The following NCEH1 variants were observed in gnomAD, a reference collection of about 807,000 sequenced individuals.
NCEH1 encodes the protein 2-acetyl MAGE hydrolase.
Under a neutral mutation model 25.4 loss-of-function variants are expected in NCEH1, and 9 were observed. That is an observed-to-expected ratio of 0.35 (90% CI 0.21 to 0.62). NCEH1 has a LOEUF of 0.62. NCEH1 is among the 20% of genes least tolerant of loss of function. The pLI is 0.72. For synonymous variants in NCEH1, 200 were observed against 199.8 expected (o/e 1.00, Z -0.01); for missense variants, 412 against 501.1 (o/e 0.82, Z 1.70).
At chr3:172,690,295 G>A (rs1315292096) in intron 1 of NCEH1, among the ~76,000 whole-genome samples, 3 of 152,164 alleles carry the variant, frequency 2.0e-5, no homozygotes. Flanking sequence ...AATAGTGCTG[G>A]TGCAAAGTGA....
At position 172,632,308 on chromosome 3, in the gene NCEH1, C is replaced by G. The variant is rs1406595158; in HGVS notation, c.*1167G>C. 6.6e-6 allele frequency: 1 copy of G among 152,114 alleles called. No individual in the cohort carries two copies. Among genetic ancestry groups the G allele is most frequent in the Admixed American group, 6.5e-5 (1 of 15,276 alleles). 9.4% of individuals were successfully genotyped at this position (152,114 alleles called of 1,614,324 possible). On this transcript the variant is annotated 3_prime_UTR_variant, in exon 5 of 5. Coordinates refer to ENST00000475381, the MANE Select transcript of NCEH1 (RefSeq NM_020792.6). ...TCCACAAAATTACACGTGGTTATAA[C>G]TGTAGGGAAGGTTTTAAAACCCTAA...
In NCEH1 at chr3:172,674,596, T is replaced by C. The variant is rs147673822; in HGVS notation, c.139-26482A>G. Among the ~76,000 whole-genome samples, 23 of 152,324 alleles carry C rather than the reference T, an allele frequency of 1.5e-4. No individual in the cohort carries two copies. The East Asian group carries it at 4.4e-3, about 29-fold the overall frequency. ...TTTTAACGCATTATTTACAGGGAAA[T>C]TTTAATTATACATGGGATTGCATTT... is the stretch of plus-strand genomic sequence containing the variant. On this transcript the variant is annotated intron_variant, in intron 1 of 4. Transcript: ENST00000475381.
chr3:172,680,198 G>T (rs980160102), intron 1 of NCEH1, among the ~76,000 whole-genome samples: 4 of 152,156 alleles, frequency 2.6e-5, no homozygotes, highest in African/African-American at 9.7e-5. Context: ...CTCTCATTAG[G>T]CAGTGTTCAA....
chr3:172,653,744 G>GTTTTTTTTTTTTTTTTTTTTT (rs796835886), intron 1 of NCEH1, among the ~76,000 whole-genome samples: 4 of 95,656 alleles, frequency 4.2e-5, no homozygotes, highest in African/African-American at 1.3e-4. Flanking sequence ...TGTTTTTTTT[G>GTTTTTTTTTTTTTTTTTTTTT]TTTTTTTGTT....
intron 1 of NCEH1, among the ~76,000 whole-genome samples, chr3:172,699,041 T>C (rs1201786810): frequency 1.3e-5 from 2 of 152,070 alleles, no homozygotes; most frequent in African/African-American, 4.8e-5. Context: ...AGCCTGTACA[T>C]AAGTAGCAAC....
chr3:172,692,515 A>C (rs1576775406), intron 1 of NCEH1, among the ~76,000 whole-genome samples: 1 of 132,568 alleles, frequency 7.5e-6, no homozygotes, highest in Non-Finnish European at 1.6e-5. Flanking sequence ...ATGTCACCAC[A>C]CCTGGCTAAT....
chr3:172,689,280 T>C (rs1712888521), intron 1 of NCEH1, among the ~76,000 whole-genome samples: 2 of 113,270 alleles, frequency 1.8e-5, no homozygotes, highest in South Asian at 2.7e-4. Flanking sequence ...TTTTTTGGGA[T>C]GGAGCTTCGC....
At position 172,633,453 on chromosome 3, in the gene NCEH1, G is replaced by A. The variant is rs373757868; in HGVS notation, c.*22C>T. 1.2e-5 allele frequency: 19 copies of A among 1,600,646 alleles called. No homozygotes were observed. The highest frequency in any genetic ancestry group is 1.6e-5 in the Non-Finnish European group (19 of 1,172,398). On this transcript the variant is annotated 3_prime_UTR_variant, in exon 5 of 5. Transcript: ENST00000475381. ...GTGTAGGAGGTCAAGAGGGGCTCGA[G>A]GCTTCTGGAAGTTTTGCTCCTTTAC... is the stretch of plus-strand genomic sequence containing the variant.
intron 3 of NCEH1, among the ~76,000 whole-genome samples, chr3:172,641,377 C>T (rs1716844979): frequency 6.6e-6 from 1 of 152,224 alleles, no homozygotes; most frequent in Non-Finnish European, 1.5e-5. Context: ...GTCATTTGGT[C>T]TGTCCCCAGA....
At chr3:172,710,525 T>A (rs1714242003) in intron 1 of NCEH1, among the ~76,000 whole-genome samples, 1 of 152,236 alleles carries the variant, frequency 6.6e-6, no homozygotes, top group African/African-American at 2.4e-5. Flanking sequence ...TATAAACTGC[T>A]TAAGGATTTG....
chr3:172,702,585 G>T (rs558227961), intron 1 of NCEH1, among the ~76,000 whole-genome samples: 3 of 152,138 alleles, frequency 2.0e-5, no homozygotes, highest in Admixed American at 2.0e-4. Flanking sequence ...ATGTGATGAC[G>T]TCCAGGGTTT....
chr3:172,682,140 A>C (rs1263977938), intron 1 of NCEH1, among the ~76,000 whole-genome samples: 2 of 152,208 alleles, frequency 1.3e-5, no homozygotes, highest in Non-Finnish European at 2.9e-5. Flanking sequence ...CCATGGCACT[A>C]CTGTTAATGA....
At chr3:172,685,000 A>T (rs1388155295) in intron 1 of NCEH1, among the ~76,000 whole-genome samples, 1 of 149,348 alleles carries the variant, frequency 6.7e-6, no homozygotes, top group African/African-American at 2.5e-5. Context: ...CCCCAAAAAA[A>T]AGACCCATCT....
At chr3:172,686,954 T>C (rs1428155394) in intron 1 of NCEH1, among the ~76,000 whole-genome samples, 1 of 152,160 alleles carries the variant, frequency 6.6e-6, no homozygotes, top group Non-Finnish European at 1.5e-5. Context: ...GTGGAAAACA[T>C]GCTTTGCCTA....
At chr3:172,668,752 G>A (rs1441932707) in intron 1 of NCEH1, among the ~76,000 whole-genome samples, 1 of 152,084 alleles carries the variant, frequency 6.6e-6, no homozygotes, top group East Asian at 1.9e-4. Context: ...CGTGTTTTCT[G>A]TTACATGCAG....
intron 1 of NCEH1, among the ~76,000 whole-genome samples, chr3:172,686,063 G>C (rs1192393475): frequency 6.9e-6 from 1 of 145,036 alleles, no homozygotes; most frequent in Non-Finnish European, 1.5e-5. Flanking sequence ...ATGCACGTCA[G>C]CTTTTGAAAC....
chr3:172,646,121 G>A (rs1283038586), intron 2 of NCEH1, among the ~76,000 whole-genome samples: 1 of 152,202 alleles, frequency 6.6e-6, no homozygotes, highest in Non-Finnish European at 1.5e-5. Context: ...AGGAGGCTAA[G>A]GAAGGAGATC....
intron 1 of NCEH1, among the ~76,000 whole-genome samples, chr3:172,702,079 C>T (rs559995): frequency 0.34 from 51,638 of 152,042 alleles, 9,246 homozygotes; most frequent in Non-Finnish European, 0.41. Flanking sequence ...ATAAGGAAAT[C>T]TAGCACAAAT....
intron 3 of NCEH1, among the ~76,000 whole-genome samples, chr3:172,640,442 T>G (rs1274722412): frequency 1.3e-5 from 2 of 152,236 alleles, no homozygotes; most frequent in Non-Finnish European, 2.9e-5. Flanking sequence ...CTTTCTACTG[T>G]TGCATCACAA....
Sources: gnomAD v4.1 joint callset for allele counts (sites outside exome capture counted in the v4.1 genomes callset) on GRCh38, gnomAD v4.1.1 for gene constraint, MANE v1.5 for transcripts, NCBI Gene and HGNC (gene_info 2026-07-23, HGNC 2026-07-21) for gene names.